Variants in PPARGC1A observed in about 807,000 individuals in gnomAD.
The protein encoded by PPARGC1A is peroxisome proliferator-activated receptor gamma coactivator 1-alpha.
PPARGC1A carries 25 observed loss-of-function variants against 88.7 expected under a neutral mutation model. That is an observed-to-expected ratio of 0.28 (90% CI 0.21 to 0.39). PPARGC1A has a LOEUF of 0.39. Among genes scored for constraint, PPARGC1A ranks in the 10% least tolerant of loss-of-function variants. The probability of loss-of-function intolerance (pLI) is 1.00; values close to 1 mark genes in which losing one functional copy is unlikely to be tolerated. For missense variants in PPARGC1A, 880 were observed against 968.7 expected, an observed-to-expected ratio of 0.91 and a Z score of 1.22; for synonymous variants, 363 against 355.6, an observed-to-expected ratio of 1.02 and a Z score of -0.24.
upstream of PPARGC1A, among the ~76,000 whole-genome samples, chr4:23,893,225 G>A (rs770261948): frequency 6.6e-6 from 1 of 151,514 alleles, no homozygotes; most frequent in Admixed American, 6.6e-5. Context: ...TAACAAATAC[G>A]TTGACTGAAG....
At chr4:24,274,783 C>T in the PPARGC1A span, among the ~76,000 whole-genome samples, 1 of 152,074 alleles carries the variant, frequency 6.6e-6, no homozygotes, top group Non-Finnish European at 1.5e-5. Context: ...TTTTAAGCTG[C>T]TATTGGCCCT....
the PPARGC1A span, among the ~76,000 whole-genome samples, chr4:23,988,842 T>A: frequency 1.4e-5 from 2 of 147,948 alleles, no homozygotes; most frequent in Non-Finnish European, 3.0e-5. Context: ...GCATTATATA[T>A]TACTATGTAT....
the PPARGC1A span, among the ~76,000 whole-genome samples, chr4:24,286,970 G>A: frequency 6.6e-6 from 1 of 152,154 alleles, no homozygotes; most frequent in Non-Finnish European, 1.5e-5. Context: ...AAGAAATAAA[G>A]AGAGTGATAA....
chr4:24,051,428 G>A, the PPARGC1A span, among the ~76,000 whole-genome samples: 13 of 152,164 alleles, frequency 8.5e-5, no homozygotes, highest in Admixed American at 7.2e-4. Flanking sequence ...GTTACTCTAT[G>A]TAGTCTCTCT....
chr4:24,003,820 ATT>A, the PPARGC1A span, among the ~76,000 whole-genome samples: 60 of 146,856 alleles, frequency 4.1e-4, no homozygotes, highest in African/African-American at 1.4e-3. Flanking sequence ...GATCAGATTG[ATT>A]TTTTTTTTTT....
chr4:23,841,582 C>T (rs1052308555), intron 2 of PPARGC1A, among the ~76,000 whole-genome samples: 4 of 151,858 alleles, frequency 2.6e-5, no homozygotes, highest in African/African-American at 7.3e-5. Flanking sequence ...CAAATTGAAT[C>T]GTTTTGTATT....
the PPARGC1A span, among the ~76,000 whole-genome samples, chr4:24,129,553 T>A: frequency 6.6e-6 from 1 of 152,216 alleles, no homozygotes; most frequent in Non-Finnish European, 1.5e-5. Flanking sequence ...AATAATGGTG[T>A]AATCTAGTTC....
the PPARGC1A span, among the ~76,000 whole-genome samples, chr4:24,187,197 C>A: frequency 6.6e-6 from 1 of 152,288 alleles, no homozygotes; most frequent in African/African-American, 2.4e-5. Flanking sequence ...GCTGGTGATG[C>A]AATGATGATG....
the PPARGC1A span, among the ~76,000 whole-genome samples, chr4:24,297,679 A>G: frequency 6.6e-6 from 1 of 152,164 alleles, no homozygotes; most frequent in Non-Finnish European, 1.5e-5. Context: ...GGAAGCAGTG[A>G]GATCCCTCAC....
intron 2 of PPARGC1A, among the ~76,000 whole-genome samples, chr4:23,870,902 A>T (rs1475433092): frequency 6.6e-6 from 1 of 152,156 alleles, no homozygotes; most frequent in Admixed American, 6.5e-5. Flanking sequence ...GGAAATAAAA[A>T]TAAACCAGCA....
chr4:23,946,330 A>C, the PPARGC1A span, among the ~76,000 whole-genome samples: 1 of 152,136 alleles, frequency 6.6e-6, no homozygotes, highest in Non-Finnish European at 1.5e-5. Context: ...TTTCATAGAG[A>C]GAGAGCCTCA....
chr4:23,971,336 T>C, the PPARGC1A span, among the ~76,000 whole-genome samples: 1 of 152,146 alleles, frequency 6.6e-6, no homozygotes, highest in Non-Finnish European at 1.5e-5. Context: ...ATTTCCTAAT[T>C]TGCCATTTAC....
chr4:24,464,821 C>T, the PPARGC1A span, among the ~76,000 whole-genome samples: 2 of 152,146 alleles, frequency 1.3e-5, no homozygotes, highest in Admixed American at 6.6e-5. Context: ...CTCCCCTGCC[C>T]GCTTCCCTCC....
At chr4:24,138,590 T>A in the PPARGC1A span, among the ~76,000 whole-genome samples, 2 of 152,212 alleles carry the variant, frequency 1.3e-5, no homozygotes, top group East Asian at 3.9e-4. Context: ...CCTGATCACA[T>A]GAAATGCACT....
the PPARGC1A span, among the ~76,000 whole-genome samples, chr4:24,157,604 C>G: frequency 6.6e-6 from 1 of 152,224 alleles, no homozygotes; most frequent in African/African-American, 2.4e-5. Flanking sequence ...CCAGCTTCTT[C>G]CTAACTCAAT....
chr4:24,142,238 C>T, the PPARGC1A span, among the ~76,000 whole-genome samples: 1 of 152,072 alleles, frequency 6.6e-6, no homozygotes, highest in Admixed American at 6.6e-5. Flanking sequence ...ATTCCCTGCT[C>T]TTGAGGTACT....
chr4:24,096,652 A>G, the PPARGC1A span, among the ~76,000 whole-genome samples: 8 of 152,242 alleles, frequency 5.3e-5, no homozygotes, highest in Non-Finnish European at 1.2e-4. Flanking sequence ...ACACACTTTC[A>G]GTACGTCAGG....
the PPARGC1A span, among the ~76,000 whole-genome samples, chr4:24,048,449 TG>T: frequency 6.6e-6 from 1 of 152,332 alleles, no homozygotes; most frequent in Non-Finnish European, 1.5e-5. Flanking sequence ...AATGAATTTT[TG>T]ATCTTCTATG....
chr4:23,880,279 C>T (rs1445169264), intron 2 of PPARGC1A, among the ~76,000 whole-genome samples: 1 of 152,142 alleles, frequency 6.6e-6, no homozygotes, highest in Non-Finnish European at 1.5e-5. Flanking sequence ...CATTTTGCCT[C>T]CCAAACTAGA....
Sources: gnomAD v4.1 joint callset for allele counts (sites outside exome capture counted in the v4.1 genomes callset) on GRCh38, gnomAD v4.1.1 for gene constraint, MANE v1.5 for transcripts, NCBI Gene and HGNC (gene_info 2026-07-23, HGNC 2026-07-21) for gene names.